DNER: variants seen among roughly 807,000 people sequenced by gnomAD.
The protein encoded by DNER is delta/notch like EGF repeat containing, also known as delta and Notch-like epidermal growth factor-related receptor.
DNER carries 33 observed loss-of-function variants against 78.2 expected under a neutral mutation model. That is an observed-to-expected ratio of 0.42 (90% confidence interval 0.32 to 0.56). DNER has a LOEUF of 0.56. Ranked by LOEUF, DNER falls within the 20% of genes least tolerant of loss-of-function variation. The pLI, the probability that DNER is intolerant of heterozygous loss-of-function variation, is 0.11. For synonymous variants in DNER, 417 were observed against 384.8 expected (o/e 1.08, Z -0.98); for missense variants, 918 against 975.3 (o/e 0.94, Z 0.78).
At chr2:229,403,284 T>A (rs965250357) in intron 10 of DNER, among the ~76,000 whole-genome samples, 4 of 152,190 alleles carry the variant, frequency 2.6e-5, no homozygotes, top group African/African-American at 9.7e-5. Context: ...GTTAATATTT[T>A]ATCAGCCTCT....
chr2:229,443,013 G>T (rs1207460317), intron 8 of DNER, among the ~76,000 whole-genome samples: 1 of 152,188 alleles, frequency 6.6e-6, no homozygotes, highest in African/African-American at 2.4e-5. Flanking sequence ...AGAATGGGCA[G>T]AGGAACTTGG....
chr2:229,635,939 T>TTA (rs1010803149), intron 1 of DNER, among the ~76,000 whole-genome samples: 2 of 151,494 alleles, frequency 1.3e-5, no homozygotes, highest in Non-Finnish European at 2.9e-5. Context: ...TATTTTTATA[T>TTA]TATATATATT....
At chr2:229,370,309 T>C (rs927845646) in intron 11 of DNER, among the ~76,000 whole-genome samples, 1 of 152,182 alleles carries the variant, frequency 6.6e-6, no homozygotes, top group Admixed American at 6.5e-5. Context: ...AATAATGTGA[T>C]TTCTGAGTTT....
At chr2:229,703,928 A>G (rs1013523445) in intron 1 of DNER, among the ~76,000 whole-genome samples, 8 of 152,068 alleles carry the variant, frequency 5.3e-5, no homozygotes, top group African/African-American at 1.9e-4. Context: ...AAAAGAAAAA[A>G]AAAAAAAGAA....
intron 1 of DNER, among the ~76,000 whole-genome samples, chr2:229,650,353 A>G (rs537437342): frequency 6.6e-6 from 1 of 152,278 alleles, no homozygotes; most frequent in East Asian, 1.9e-4. Context: ...GAGAACAAAA[A>G]ACGTATCCTG....
chr2:229,366,184 T>G lies in DNER; in HGVS notation c.2102+689A>C, dbSNP rs1692342803. Among the ~76,000 whole-genome samples, 3 of 152,266 alleles carry G rather than the reference T, an allele frequency of 2.0e-5. No homozygotes were observed. In the South Asian group the frequency reaches 6.2e-4, roughly 32 times the overall value. On this transcript the variant is annotated intron_variant, in intron 12 of 12. Transcript: ENST00000341772. ...TGTATCCCAGAACTTAAAACAAAAG[T>G]TGAAGGAAAAAGTATATATATTTGT...
chr2:229,373,478 C>T (rs1692532531), intron 11 of DNER, among the ~76,000 whole-genome samples: 1 of 152,098 alleles, frequency 6.6e-6, no homozygotes, highest in Non-Finnish European at 1.5e-5. Flanking sequence ...AAAAAGGGAA[C>T]ACGGTGTTGG....
intron 1 of DNER, among the ~76,000 whole-genome samples, chr2:229,709,016 C>G (rs1249566230): frequency 6.6e-6 from 1 of 152,106 alleles, no homozygotes; most frequent in African/African-American, 2.4e-5. Flanking sequence ...AAGTTTAATA[C>G]AATTAAATTT....
chr2:229,615,680 C>T (rs1262575133), intron 1 of DNER, among the ~76,000 whole-genome samples: 1 of 152,072 alleles, frequency 6.6e-6, no homozygotes, highest in Non-Finnish European at 1.5e-5. Flanking sequence ...CCACTGCACT[C>T]TAGCCTGGGC....
chr2:229,432,698 GTC>G (rs1483861892), intron 8 of DNER, among the ~76,000 whole-genome samples: 3 of 152,142 alleles, frequency 2.0e-5, no homozygotes, highest in Non-Finnish European at 4.4e-5. Flanking sequence ...GTGTTCTCAG[GTC>G]ACACTCAAGA....
chr2:229,364,583 G>A lies in DNER; in HGVS notation c.2102+2290C>T, dbSNP rs909578496. Among the ~76,000 whole-genome samples the A allele has an allele frequency of 5.3e-5, 8 of 152,036 alleles. No homozygotes were observed. The South Asian group carries it at 6.2e-4, about 12-fold the overall frequency. Reference sequence around the variant, plus strand: ...AGGGTTGAGTTCTCTGTCCTCCCTCGCAGTTACATAAGCAAGACTGGGTGC... The same window carrying A: ...AGGGTTGAGTTCTCTGTCCTCCCTCACAGTTACATAAGCAAGACTGGGTGC... On this transcript the variant is annotated intron_variant, in intron 12 of 12. Coordinates refer to ENST00000341772, the MANE Select transcript of DNER (RefSeq NM_139072.4).
At chr2:229,402,209 T>TA (rs549684074) in intron 10 of DNER, among the ~76,000 whole-genome samples, 1 of 152,032 alleles carries the variant, frequency 6.6e-6, no homozygotes, top group Non-Finnish European at 1.5e-5. Flanking sequence ...AAGATACCAT[T>TA]AAAAAAATGC....
chr2:229,500,805 A>T (rs1695604656), intron 6 of DNER, among the ~76,000 whole-genome samples: 1 of 152,188 alleles, frequency 6.6e-6, no homozygotes, highest in South Asian at 2.1e-4. Context: ...CCACCCAAGC[A>T]GTATACACTG....
intron 1 of DNER, among the ~76,000 whole-genome samples, chr2:229,626,138 C>T (rs554006641): frequency 1.3e-5 from 2 of 152,198 alleles, no homozygotes; most frequent in East Asian, 1.9e-4. Context: ...CCAAGATGGT[C>T]GCGATCTCCC....
chr2:229,606,490 T>TAA (rs35631670), intron 1 of DNER, among the ~76,000 whole-genome samples: 1 of 150,918 alleles, frequency 6.6e-6, no homozygotes, highest in Non-Finnish European at 1.5e-5. Flanking sequence ...GTCTTTGGAT[T>TAA]AAAAAAAAAT....
chr2:229,424,363 G>A (rs1693829880), intron 8 of DNER, among the ~76,000 whole-genome samples: 1 of 152,216 alleles, frequency 6.6e-6, no homozygotes, highest in Non-Finnish European at 1.5e-5. Flanking sequence ...TCAATCCTGT[G>A]TGTTCTTCCT....
At chr2:229,542,825 G>A (rs1478800616) in intron 5 of DNER, among the ~76,000 whole-genome samples, 1 of 151,452 alleles carries the variant, frequency 6.6e-6, no homozygotes, top group Non-Finnish European at 1.5e-5. Context: ...TCCTGCCTTA[G>A]GGAGTTCAAG....
chr2:229,532,635 A>G (rs1432383172), intron 5 of DNER, among the ~76,000 whole-genome samples: 1 of 152,262 alleles, frequency 6.6e-6, no homozygotes, highest in Non-Finnish European at 1.5e-5. Context: ...GGTGGAACCC[A>G]AGAAATGAAG....
Position 229,586,700 on chromosome 2 carries a change from A to C in DNER, c.681-676T>G, listed in dbSNP as rs191883513. On this transcript the variant is annotated intron_variant, in intron 3 of 12. Transcript: ENST00000341772. The stretch of plus-strand genomic sequence containing the variant: ...CAACCCAGTTCTTTCTCACCTCCCA[A>C]GCTTTGTCTCCTTCTCCACCTTGGA... 4 of 985,192 alleles carry C rather than the reference A, an allele frequency of 4.1e-6. No homozygotes were observed. The East Asian group carries it at 4.5e-4, about 112-fold the overall frequency. The allele number at this position is 985,192 out of a possible 1,614,324, so 61.0% of individuals were successfully genotyped here.
Sources: gnomAD v4.1 joint callset for allele counts (sites outside exome capture counted in the v4.1 genomes callset) on GRCh38, gnomAD v4.1.1 for gene constraint, MANE v1.5 for transcripts, NCBI Gene and HGNC (gene_info 2026-07-23, HGNC 2026-07-21) for gene names.